Variants in COL4A5 observed in about 807,000 individuals in gnomAD.
COL4A5 encodes collagen type IV alpha 5 chain, also known as collagen alpha-5(IV) chain.
In COL4A5, 26 loss-of-function variants were observed where a neutral mutation model predicts 130.2. The ratio of observed to expected loss-of-function variants is 0.20; its 90% confidence interval spans 0.15 to 0.28. COL4A5 has a LOEUF of 0.28. COL4A5 is among the 10% of genes least tolerant of loss of function. The pLI, the probability that COL4A5 is intolerant of heterozygous loss-of-function variation, is 1.00. For synonymous variants in COL4A5, 496 were observed against 439.6 expected (o/e 1.13, Z -1.60); for missense variants, 1,131 against 1,344.3 (o/e 0.84, Z 2.48).
chrX:108,508,245 A>C (rs1019134331), intron 1 of COL4A5, among the ~76,000 whole-genome samples: 3 of 110,927 alleles, frequency 2.7e-5, no homozygotes, highest in African/African-American at 9.9e-5. Flanking sequence ...CACCAACAAC[A>C]GCCACACCAA....
At chrX:108,605,666 C>T (rs1325458328) in intron 28 of COL4A5, among the ~76,000 whole-genome samples, 1 of 111,955 alleles carries the variant, frequency 8.9e-6, no homozygotes, top group Non-Finnish European at 1.9e-5. Flanking sequence ...GCAGTGTCTG[C>T]ACAGCACAAC....
intron 1 of COL4A5, 130 bp from the exon 2 acceptor site, chrX:108,539,616 A>G (rs1387580444): frequency 3.7e-5 from 21 of 570,488 alleles, no homozygotes; most frequent in Non-Finnish European, 5.5e-5. Context: ...GCAATTTCGT[A>G]TATCTTTTCA....
chrX:108,526,595 C>CCCTCCTTTCTTT (rs1327241159), intron 1 of COL4A5, among the ~76,000 whole-genome samples: 1 of 33,286 alleles, frequency 3.0e-5, no homozygotes, highest in East Asian at 1.2e-3. Flanking sequence ...CTCCCTCCCT[C>CCCTCCTTTCTTT]CTTTCTTTCT....
chrX:108,516,067 T>C (rs950884322), intron 1 of COL4A5, among the ~76,000 whole-genome samples: 2 of 111,886 alleles, frequency 1.8e-5, no homozygotes, highest in African/African-American at 3.3e-5. Context: ...TCATATTAGC[T>C]CTTTCTATTG....
intron 37 of COL4A5, among the ~76,000 whole-genome samples, chrX:108,658,295 T>G (rs758035643): frequency 1.5e-4 from 17 of 111,630 alleles, no homozygotes; most frequent in Non-Finnish European, 1.3e-4. Context: ...ATTCTTGGGA[T>G]AAACTCCAAG....
At chrX:108,529,642 A>G (rs755941923) in intron 1 of COL4A5, among the ~76,000 whole-genome samples, 3 of 111,509 alleles carry the variant, frequency 2.7e-5, no homozygotes, top group African/African-American at 6.5e-5. Flanking sequence ...TGATGCAACT[A>G]TATGCCATGT....
intron 37 of COL4A5, among the ~76,000 whole-genome samples, chrX:108,664,923 G>T (rs1300417042): frequency 2.7e-5 from 3 of 112,029 alleles, no homozygotes; most frequent in African/African-American, 6.5e-5. Context: ...CAAAGGTTGT[G>T]CAAGGATCTG....
intron 8 of COL4A5, 42 bp downstream of exon 8, chrX:108,571,879 AT>A: frequency 9.4e-7 from 1 of 1,065,886 alleles, no homozygotes; most frequent in African/African-American, 1.8e-5. Flanking sequence ...TGAATAAAAT[AT>A]TAGGAAAGCT....
Position 108,686,133 on chromosome X carries a change from A to G in COL4A5, c.4315+4A>G. 3 of 1,198,645 alleles carry G rather than the reference A, an allele frequency of 2.5e-6. No individual in the cohort carries two copies. Among genetic ancestry groups the G allele is most frequent in the Non-Finnish European group, 3.4e-6 (3 of 884,539 alleles). ...CCAGGTCTGCCAGGACAGCCAGGTA[A>G]GACAAGTAAAACATGCTGTTGGTGG... On this transcript the variant is annotated splice_donor_region_variant and intron_variant, in intron 48 of 52. Transcript: ENST00000328300.
At chrX:108,591,727 C>A (rs1379284543) in intron 21 of COL4A5, 83 bp downstream of exon 21, 1 of 747,834 alleles carries the variant, frequency 1.3e-6, no homozygotes, top group Non-Finnish European at 2.1e-6. Flanking sequence ...CTCCATCACA[C>A]CTTAGCCACT....
chrX:108,504,310 C>T (rs780167028), intron 1 of COL4A5, among the ~76,000 whole-genome samples: 1 of 111,706 alleles, frequency 9.0e-6, no homozygotes, highest in Middle Eastern at 4.2e-3. Flanking sequence ...AAAAACTCTT[C>T]TGGACATTGA....
At chrX:108,656,479 C>A (rs903111374) in intron 37 of COL4A5, among the ~76,000 whole-genome samples, 1 of 111,932 alleles carries the variant, frequency 8.9e-6, no homozygotes, top group Non-Finnish European at 1.9e-5. Context: ...TTTTACATAT[C>A]TTTTGATAAA....
chrX:108,586,867 G>C, intron 19 of COL4A5, 120 bp downstream of exon 19: 1 of 758,270 alleles, frequency 1.3e-6, no homozygotes, highest in South Asian at 2.3e-5. Flanking sequence ...CTTTTTAATT[G>C]ACAGATACTT....
intron 1 of COL4A5, among the ~76,000 whole-genome samples, chrX:108,485,358 C>G (rs76175336): frequency 8.9e-6 from 1 of 111,837 alleles, no homozygotes; most frequent in Non-Finnish European, 1.9e-5. Flanking sequence ...CTCTCCTTTT[C>G]TTAAGCAGAA....
chrX:108,465,381 A>G (rs1289316618), intron 1 of COL4A5, among the ~76,000 whole-genome samples: 3 of 111,605 alleles, frequency 2.7e-5, no homozygotes, highest in African/African-American at 6.5e-5. Context: ...TGGCCATTCA[A>G]ATATCTTCTT....
At chrX:108,533,115 A>C (rs993406329) in intron 1 of COL4A5, among the ~76,000 whole-genome samples, 1 of 111,903 alleles carries the variant, frequency 8.9e-6, no homozygotes, top group African/African-American at 3.2e-5. Flanking sequence ...TGGAGGCATC[A>C]CATTACCTGA....
intron 36 of COL4A5, chrX:108,626,798 C>A: frequency 1.3e-6 from 1 of 785,974 alleles, no homozygotes; most frequent in African/African-American, 2.2e-5. Flanking sequence ...ACAATTCCCT[C>A]TACTTCTCTC....
At chrX:108,555,723 T>C (rs191858841) in intron 2 of COL4A5, among the ~76,000 whole-genome samples, 2 of 111,994 alleles carry the variant, frequency 1.8e-5, no homozygotes, top group East Asian at 5.6e-4. Flanking sequence ...TGTCTTATTG[T>C]CATTATAAAG....
chrX:108,620,186 T>C (rs2067010367), intron 30 of COL4A5, 73 bp from the exon 31 acceptor site: 2 of 921,449 alleles, frequency 2.2e-6, no homozygotes, highest in South Asian at 4.0e-5. Context: ...ATCACTTGTT[T>C]ACTAGAAATA....
Sources: gnomAD v4.1 joint callset for allele counts (sites outside exome capture counted in the v4.1 genomes callset) on GRCh38, gnomAD v4.1.1 for gene constraint, MANE v1.5 for transcripts, NCBI Gene and HGNC (gene_info 2026-07-23, HGNC 2026-07-21) for gene names.